SLC30A4: variants seen among roughly 807,000 people sequenced by gnomAD.
SLC30A4 encodes the protein probable proton-coupled zinc antiporter SLC30A4.
In SLC30A4, 20 loss-of-function variants were observed where a neutral mutation model predicts 41.7. The ratio of observed to expected loss-of-function variants is 0.48; its 90% CI spans 0.34 to 0.70. The LOEUF (loss-of-function observed/expected upper bound fraction) is 0.70. SLC30A4 is among the 30% of genes least tolerant of loss of function. The pLI is 0.01. For synonymous variants in SLC30A4, 181 were observed against 195.9 expected (o/e 0.92, Z 0.64); for missense variants, 441 against 529.3 (o/e 0.83, Z 1.64).
chr15:45,520,343 C>A (rs1051528794), intron 2 of SLC30A4, among the ~76,000 whole-genome samples: 1 of 151,986 alleles, frequency 6.6e-6, no homozygotes, highest in African/African-American at 2.4e-5. Context: ...AATCTCGGCT[C>A]ACCACAACTT....
At position 45,490,801 on chromosome 15, in the gene SLC30A4, T is replaced by C. The variant is rs763604096; in HGVS notation, c.619A>G (p.Ile207Val). ...CCATTTATTTCATAGTTCATATGGATAGTTCTTTGCACAGCTTCATATAAG... is the reference window on the plus strand; with the variant it reads ...CCATTTATTTCATAGTTCATATGGACAGTTCTTTGCACAGCTTCATATAAG... ...FLLYEAVQRT[I>V]HMNYEINGDI... The change falls in exon 4 of 8, where the codon ATC becomes GTC. Residue 207 changes from isoleucine (I) to valine (V), a missense_variant. This residue lies in a region of SLC30A4 where 312 missense variants were observed against 341.9 expected (regional missense o/e 0.91). Coordinates refer to ENST00000261867, the MANE Select transcript of SLC30A4 (RefSeq NM_013309.6). 4 of 1,610,822 alleles carry C rather than the reference T, an allele frequency of 2.5e-6. No homozygotes were observed. The highest frequency in any genetic ancestry group is 2.2e-5 in the East Asian group (1 of 44,820).
chr15:45,519,103 ACTC>A (rs1460986425), intron 2 of SLC30A4, among the ~76,000 whole-genome samples: 2 of 140,888 alleles, frequency 1.4e-5, no homozygotes. Context: ...CTGCTCTCAA[ACTC>A]CTGACCTCAA....
chr15:45,487,739 T>G (rs1432700160), intron 5 of SLC30A4, 107 bp from the exon 6 acceptor site: 5 of 611,382 alleles, frequency 8.2e-6, no homozygotes, highest in Non-Finnish European at 1.5e-5. Context: ...TTTAGCAGAA[T>G]TACAGAATAC....
In SLC30A4 at chr15:45,521,989, CAAG is replaced by C; in HGVS notation, c.363_365del (p.Tyr121_Leu122delinsTer). 4 of 1,613,926 alleles carry C rather than the reference CAAG, an allele frequency of 2.5e-6. No homozygotes were observed. Among genetic ancestry groups the C allele is most frequent in the Non-Finnish European group, 3.4e-6 (4 of 1,179,804 alleles). ...CTACAAGTTCTCCAATCATGAAAAG[CAAG>C]TACAGAACGGCAGCAATGGTCAACC... is the stretch of plus-strand genomic sequence containing the variant. On this transcript the variant is annotated stop_gained and inframe_deletion, in exon 2 of 8. Coordinates refer to ENST00000261867, the MANE Select transcript of SLC30A4 (RefSeq NM_013309.6). LOFTEE classifies it high-confidence loss of function.
intron 3 of SLC30A4, among the ~76,000 whole-genome samples, chr15:45,499,557 G>A (rs1280717643): frequency 1.3e-5 from 2 of 152,148 alleles, no homozygotes; most frequent in African/African-American, 2.4e-5. Flanking sequence ...AGGACAGAAG[G>A]ATAGAAGGAT....
At chr15:45,501,742 C>G (rs1249026457) in intron 3 of SLC30A4, among the ~76,000 whole-genome samples, 1 of 152,118 alleles carries the variant, frequency 6.6e-6, no homozygotes, top group African/African-American at 2.4e-5. Flanking sequence ...AGGGCTCAAG[C>G]AAACTTCCTA....
rs748900607 is a variant in SLC30A4 at position 45,484,093 on chromosome 15, A to T, written c.*1070T>A. The T allele has an allele frequency of 1.3e-5, 2 of 152,660 alleles. No individual in the cohort carries two copies. The highest frequency in any genetic ancestry group is 2.9e-5 in the Non-Finnish European group (2 of 68,044). The allele number at this position is 152,660 out of a possible 1,614,324, so 9.5% of individuals were successfully genotyped here. On this transcript the variant is annotated 3_prime_UTR_variant, in exon 8 of 8. Transcript: ENST00000261867. ...TAAAACATAACCCATATCATAAAAC[A>T]TAAAATTCTCTCTGGATTAATGTTG... is the stretch of plus-strand genomic sequence containing the variant.
In SLC30A4 at chr15:45,487,572, TA is replaced by T; in HGVS notation, c.954del (p.Phe318LeufsTer11). 6.3e-7 allele frequency: 1 copy of T among 1,579,100 alleles called. No homozygotes were observed. Among genetic ancestry groups the T allele is most frequent in the Non-Finnish European group, 8.7e-7 (1 of 1,148,954 alleles). ...GTATCCCATATGATTCGAAATGTTGTAAAAGCCACAAGTAATGAAAATACGT... is the reference window on the plus strand; with the variant it reads ...GTATCCCATATGATTCGAAATGTTGTAAAGCCACAAGTAATGAAAATACGT... ...CTYVFSLLVA[F>X]TTFRIIWDTV... On this transcript the variant is annotated frameshift_variant, in exon 6 of 8. Transcript: ENST00000261867. LOFTEE classifies it high-confidence loss of function.
intron 3 of SLC30A4, among the ~76,000 whole-genome samples, chr15:45,501,641 T>C (rs956847578): frequency 6.6e-6 from 1 of 152,056 alleles, no homozygotes; most frequent in Non-Finnish European, 1.5e-5. Context: ...GCTGAGACTA[T>C]AGGTGCATGC....
rs1891710515 is a variant in SLC30A4, at chr15:45,486,623, G to A, written c.1123C>T (p.His375Tyr). 9.4e-6 allele frequency: 15 copies of A among 1,603,898 alleles called. No individual in the cohort carries two copies. Among genetic ancestry groups the A allele is most frequent in the African/African-American group, 1.3e-5 (1 of 74,084 alleles). ...ACCAGCAACATACTTAGCTGTATGT[G>A]AACTATGGCAGTAGATTTTCCTGAA... ...LTSGKSTAIVHIQLIPGSSSK... is the reference protein window; with the variant it reads ...LTSGKSTAIVYIQLIPGSSSK... Residue 375 changes from histidine to tyrosine, a missense_variant, in exon 7 of 8, where the codon CAC (histidine) becomes TAC (tyrosine). Coordinates refer to ENST00000261867, the MANE Select transcript of SLC30A4 (RefSeq NM_013309.6).
intron 3 of SLC30A4, among the ~76,000 whole-genome samples, chr15:45,505,716 G>A (rs1008059459): frequency 2.6e-5 from 4 of 152,102 alleles, no homozygotes; most frequent in Admixed American, 6.5e-5. Context: ...GCATAAAAAA[G>A]GGTGGTGAGA....
intron 3 of SLC30A4, among the ~76,000 whole-genome samples, chr15:45,499,749 C>T (rs1386701648): frequency 6.6e-6 from 1 of 152,172 alleles, no homozygotes; most frequent in Non-Finnish European, 1.5e-5. Context: ...TCAAATAAAT[C>T]CAGGCATTTA....
chr15:45,516,817 G>A (rs1418324401), intron 2 of SLC30A4, among the ~76,000 whole-genome samples: 1 of 151,870 alleles, frequency 6.6e-6, no homozygotes, highest in African/African-American at 2.4e-5. Flanking sequence ...CTGCTACTCA[G>A]GAGGCTGAGG....
At chr15:45,505,239 A>T (rs923770883) in intron 3 of SLC30A4, among the ~76,000 whole-genome samples, 5 of 134,800 alleles carry the variant, frequency 3.7e-5, no homozygotes, top group African/African-American at 1.4e-4. Context: ...CTCAAAAATT[A>T]AAAAAAAAAA....
chr15:45,487,501 A>AAG, intron 6 of SLC30A4, 26 bp downstream of exon 6: 1 of 1,092,304 alleles, frequency 9.2e-7, no homozygotes. Context: ...TAATAAACTC[A>AAG]TAATGAGGAT....
chr15:45,495,153 A>C (rs1294634539), intron 3 of SLC30A4, among the ~76,000 whole-genome samples: 1 of 152,234 alleles, frequency 6.6e-6, no homozygotes, highest in African/African-American at 2.4e-5. Context: ...TCTCAAAAAA[A>C]AAAAAAATTA....
At chr15:45,515,196 T>C (rs1270812973) in intron 2 of SLC30A4, among the ~76,000 whole-genome samples, 2 of 151,968 alleles carry the variant, frequency 1.3e-5, no homozygotes, top group East Asian at 3.9e-4. Context: ...TTTTTTTTTT[T>C]CTTCAATTTT....
intron 3 of SLC30A4, among the ~76,000 whole-genome samples, chr15:45,501,090 G>A (rs979720626): frequency 1.2e-4 from 18 of 151,540 alleles, no homozygotes; most frequent in Non-Finnish European, 2.4e-4. Context: ...GGCAGATCAC[G>A]AGGTCCGGAG....
In SLC30A4 at chr15:45,480,733, T is replaced by C. The variant is rs1891590291; in HGVS notation, c.*4430A>G. The stretch of plus-strand genomic sequence containing the variant: ...ATATTAAGTTGAGCCAATTAACATA[T>C]ATGCATAAAAGGAAAATAGATTTAG... On this transcript the variant is annotated 3_prime_UTR_variant, in exon 8 of 8. Coordinates refer to ENST00000261867, the MANE Select transcript of SLC30A4 (RefSeq NM_013309.6). 6.6e-6 allele frequency: 1 copy of C among 152,144 alleles called. No individual in the cohort carries two copies. The highest frequency in any genetic ancestry group is 2.4e-5 in the African/African-American group (1 of 41,412). 9.4% of individuals were successfully genotyped at this position (152,144 alleles called of 1,614,324 possible).
Sources: allele counts gnomAD v4.1 joint callset (sites outside exome capture counted in the v4.1 genomes callset), GRCh38; gene constraint gnomAD v4.1.1; regional missense constraint gnomAD v4.1.1; transcripts MANE v1.5; gene names NCBI Gene and HGNC (gene_info 2026-07-23, HGNC 2026-07-21).